BRAF: variants seen among roughly 807,000 people sequenced by gnomAD.
BRAF encodes serine/threonine-protein kinase B-raf.
In BRAF, 16 loss-of-function variants were observed where a neutral mutation model predicts 104.6. The observed-to-expected ratio is 0.15, with a 90% CI of 0.10 to 0.23. The LOEUF (loss-of-function observed/expected upper bound fraction) is 0.23, where lower values mean the gene tolerates loss of function less well. Among genes scored for constraint, BRAF ranks in the 10% least tolerant of loss-of-function variants. The probability of loss-of-function intolerance (pLI) is 1.00; values close to 1 mark genes in which losing one functional copy is unlikely to be tolerated. For missense variants in BRAF, 541 were observed against 937.3 expected (o/e 0.58, Z 5.52); for synonymous variants, 310 against 341.6 (o/e 0.91, Z 1.02).
At chr7:140,731,962 G>C (rs1796000440) in intron 19 of BRAF, 1 of 151,186 alleles carries the variant, frequency 6.6e-6, no homozygotes, top group Non-Finnish European at 1.5e-5. Flanking sequence ...ACGAGGTCAG[G>C]AGATCGAGAC....
At chr7:140,808,118 A>G in intron 4 of BRAF, 56 bp from the exon 5 acceptor site, 2 of 1,335,370 alleles carry the variant, frequency 1.5e-6, no homozygotes, top group Non-Finnish European at 2.2e-6. Flanking sequence ...ATATTCATAT[A>G]CCTCATGCTG....
intron 8 of BRAF, among the ~76,000 whole-genome samples, chr7:140,790,592 T>C (rs1801853139): frequency 6.6e-6 from 1 of 152,224 alleles, no homozygotes; most frequent in African/African-American, 2.4e-5. Flanking sequence ...CAAACACTAC[T>C]AGCCCCAGGA....
intron 14 of BRAF, among the ~76,000 whole-genome samples, chr7:140,763,990 A>C (rs1415344384): frequency 6.6e-6 from 1 of 152,198 alleles, no homozygotes; most frequent in Admixed American, 6.5e-5. Context: ...CAGAGACACA[A>C]CCAAAAAAGA....
At position 140,834,486 on chromosome 7, in the gene BRAF, T is replaced by C. The variant is rs887549771; in HGVS notation, c.504+123A>G. ...TAATTACATATTTTTCATTCCTGTA[T>C]GACATGGATGCCTCTATTTGCATGA... is the stretch of plus-strand genomic sequence containing the variant. On this transcript the variant is annotated intron_variant, in intron 3 of 19. Coordinates refer to ENST00000644969, the MANE Select transcript of BRAF (RefSeq NM_001374258.1). The C allele has an allele frequency of 5.2e-5, 69 of 1,317,612 alleles. 1 individual carries two copies. The highest frequency in any genetic ancestry group is 3.1e-4 in the Admixed American group (17 of 54,602). 81.6% of individuals were successfully genotyped at this position (1,317,612 alleles called of 1,614,324 possible).
intron 1 of BRAF, among the ~76,000 whole-genome samples, chr7:140,912,803 C>T (rs939787003): frequency 2.6e-5 from 4 of 152,240 alleles, no homozygotes; most frequent in African/African-American, 9.6e-5. Context: ...CCGCCTCGGC[C>T]TCCCAAAGTG....
rs571447989 is a variant in BRAF at position 140,757,352 on chromosome 7, C to T, written c.1815-3119G>A. ...GTCACCAGCCTGGAGTGCGGTGGTG[C>T]GATATCGGCTCACTGCAACCTCCAC... On this transcript the variant is annotated intron_variant, in intron 14 of 19. Coordinates refer to ENST00000644969, the MANE Select transcript of BRAF (RefSeq NM_001374258.1). Among the ~76,000 whole-genome samples, 193 of 151,900 alleles carry T rather than the reference C, an allele frequency of 1.3e-3. 1 individual carries two copies. Among genetic ancestry groups the T allele is most frequent in the South Asian group, 7.3e-3 (35 of 4,800 alleles).
At chr7:140,878,622 G>A (rs1812526191) in intron 1 of BRAF, among the ~76,000 whole-genome samples, 1 of 152,162 alleles carries the variant, frequency 6.6e-6, no homozygotes, top group Non-Finnish European at 1.5e-5. Flanking sequence ...ATAAAGGGAA[G>A]TTGGTTAATG....
chr7:140,737,618 A>G (rs1431993115), intron 18 of BRAF, among the ~76,000 whole-genome samples: 2 of 152,158 alleles, frequency 1.3e-5, no homozygotes, highest in Non-Finnish European at 2.9e-5. Flanking sequence ...TTTTCTATAT[A>G]GAAGTTTAAA....
chr7:140,830,791 C>T (rs894717354), intron 3 of BRAF, among the ~76,000 whole-genome samples: 11 of 152,158 alleles, frequency 7.2e-5, no homozygotes, highest in African/African-American at 2.7e-4. Flanking sequence ...GGTGATGCTC[C>T]TAAAGAGAGC....
intron 2 of BRAF, among the ~76,000 whole-genome samples, chr7:140,840,645 T>C (rs1343475315): frequency 2.0e-5 from 3 of 151,214 alleles, no homozygotes; most frequent in Non-Finnish European, 3.0e-5. Context: ...ACAAAAATTA[T>C]CCAGGCACAG....
chr7:140,754,270 T>A, intron 14 of BRAF, 37 bp from the exon 14 acceptor site: 2 of 1,595,298 alleles, frequency 1.3e-6, no homozygotes, highest in Non-Finnish European at 1.7e-6. Context: ...TGAGTAGGGC[T>A]AAAGGACTCT....
chr7:140,758,933 A>AC (rs755015318), intron 14 of BRAF, among the ~76,000 whole-genome samples: 40 of 152,250 alleles, frequency 2.6e-4, no homozygotes, highest in Middle Eastern at 3.4e-3. Flanking sequence ...GATTAGTAAC[A>AC]CCCCCTTTAG....
chr7:140,856,293 G>A (rs1184567292), intron 1 of BRAF, among the ~76,000 whole-genome samples: 2 of 151,868 alleles, frequency 1.3e-5, no homozygotes, highest in African/African-American at 4.8e-5. Flanking sequence ...AGAGACAGAA[G>A]TGGTCTTAAA....
At chr7:140,871,891 G>A (rs990495344) in intron 1 of BRAF, among the ~76,000 whole-genome samples, 2 of 152,064 alleles carry the variant, frequency 1.3e-5, no homozygotes, top group African/African-American at 2.4e-5. Flanking sequence ...TATTATGGAG[G>A]AGCTGCACTC....
At chr7:140,881,654 T>C (rs1812932098) in intron 1 of BRAF, among the ~76,000 whole-genome samples, 1 of 152,230 alleles carries the variant, frequency 6.6e-6, no homozygotes, top group Non-Finnish European at 1.5e-5. Context: ...GGCATAGCTT[T>C]TTGACATGCC....
chr7:140,775,370 G>A (rs987224961), intron 14 of BRAF, among the ~76,000 whole-genome samples: 4 of 148,542 alleles, frequency 2.7e-5, no homozygotes, highest in South Asian at 2.1e-4. Flanking sequence ...TTTTTGAGAC[G>A]GAATTTTGCT....
At chr7:140,745,350 A>C (rs1797265513) in intron 17 of BRAF, among the ~76,000 whole-genome samples, 1 of 152,240 alleles carries the variant, frequency 6.6e-6, no homozygotes, top group Non-Finnish European at 1.5e-5. Context: ...AAAAAAAATC[A>C]AAGACAACTC....
chr7:140,893,964 T>C (rs1216344693), intron 1 of BRAF, among the ~76,000 whole-genome samples: 1 of 152,036 alleles, frequency 6.6e-6, no homozygotes, highest in Non-Finnish European at 1.5e-5. Context: ...AAACCCTGCC[T>C]CTACAAAAAA....
At chr7:140,919,300 C>T (rs774794874) in intron 1 of BRAF, among the ~76,000 whole-genome samples, 4 of 152,166 alleles carry the variant, frequency 2.6e-5, no homozygotes, top group Non-Finnish European at 2.9e-5. Flanking sequence ...AGAATGAAAA[C>T]GACGCTTTAT....
Sources: gnomAD v4.1 joint callset for allele counts (sites outside exome capture counted in the v4.1 genomes callset) on GRCh38, gnomAD v4.1.1 for gene constraint, MANE v1.5 for transcripts, NCBI Gene and HGNC (gene_info 2026-07-23, HGNC 2026-07-21) for gene names.